Variants in PAK5 observed in about 807,000 individuals in gnomAD.
The protein encoded by PAK5 is p21 (RAC1) activated kinase 5.
PAK5 carries 16 observed loss-of-function variants against 65.9 expected under a neutral mutation model. The ratio of observed to expected loss-of-function variants is 0.24; its 90% CI spans 0.16 to 0.37. The LOEUF is 0.37. PAK5 is among the 10% of genes least tolerant of loss of function. The pLI is 1.00. For synonymous variants in PAK5, 371 were observed against 354.9 expected (o/e 1.05, Z -0.51); for missense variants, 785 against 903.9 (o/e 0.87, Z 1.69).
intron 3 of PAK5, among the ~76,000 whole-genome samples, chr20:9,609,874 C>G (rs1215574439): frequency 6.6e-6 from 1 of 152,172 alleles, no homozygotes; most frequent in African/African-American, 2.4e-5. Context: ...CCAGACAGGA[C>G]AGATGGATAT....
chr20:9,704,344 A>C (rs1189557211), intron 2 of PAK5, among the ~76,000 whole-genome samples: 1 of 152,182 alleles, frequency 6.6e-6, no homozygotes. Flanking sequence ...TCCGCAGGTC[A>C]AAAGTAGCCA....
At position 9,564,128 on chromosome 20, in the gene PAK5, A is replaced by C. The variant is rs535953065; in HGVS notation, c.1483-1104T>G. Among the ~76,000 whole-genome samples the C allele has an allele frequency of 7.7e-4, 117 of 152,322 alleles. 1 individual carries two copies. The highest frequency in any genetic ancestry group is 2.7e-3 in the African/African-American group (114 of 41,564). On this transcript the variant is annotated intron_variant, in intron 5 of 9. Coordinates refer to ENST00000353224, the MANE Select transcript of PAK5 (RefSeq NM_177990.4). The stretch of plus-strand genomic sequence containing the variant: ...TGATACCCTGACTTGATATTTTAGG[A>C]CTTAGATCTCTCATCCACAAAAACT...
At chr20:9,572,745 C>T (rs754173753) in intron 4 of PAK5, among the ~76,000 whole-genome samples, 6 of 152,172 alleles carry the variant, frequency 3.9e-5, no homozygotes, top group Non-Finnish European at 7.3e-5. Context: ...AGCAAGGGCA[C>T]GGAGTGCAGA....
At chr20:9,760,211 C>T (rs1253770452) in intron 1 of PAK5, among the ~76,000 whole-genome samples, 2 of 151,980 alleles carry the variant, frequency 1.3e-5, no homozygotes, top group East Asian at 1.9e-4. Flanking sequence ...AAATTAGAGC[C>T]AAAAACAGAG....
At chr20:9,600,085 G>A (rs1289852020) in intron 3 of PAK5, among the ~76,000 whole-genome samples, 1 of 152,172 alleles carries the variant, frequency 6.6e-6, no homozygotes, top group East Asian at 1.9e-4. Context: ...AGTTCTCCCG[G>A]CGTTATTTGT....
chr20:9,696,416 G>A (rs971486752), intron 2 of PAK5, among the ~76,000 whole-genome samples: 14 of 152,020 alleles, frequency 9.2e-5, no homozygotes, highest in Admixed American at 7.9e-4. Flanking sequence ...TTTATACAGT[G>A]ACATTTACTC....
intron 7 of PAK5, among the ~76,000 whole-genome samples, chr20:9,556,898 T>A (rs1312271942): frequency 1.3e-5 from 2 of 152,158 alleles, no homozygotes; most frequent in Admixed American, 1.3e-4. Context: ...GGAGCACCAG[T>A]AGGACACTAG....
chr20:9,794,539 A>G (rs1385673126), intron 1 of PAK5, among the ~76,000 whole-genome samples: 1 of 152,046 alleles, frequency 6.6e-6, no homozygotes, highest in Non-Finnish European at 1.5e-5. Context: ...TAAGCAGATG[A>G]GTTAGAACAT....
chr20:9,578,071 C>A (rs2045917963), intron 4 of PAK5, among the ~76,000 whole-genome samples: 1 of 152,140 alleles, frequency 6.6e-6, no homozygotes. Context: ...ATTTTCTTGG[C>A]AAATGCAGTT....
intron 1 of PAK5, among the ~76,000 whole-genome samples, chr20:9,721,431 T>C (rs942550653): frequency 8.5e-5 from 13 of 152,114 alleles, no homozygotes; most frequent in African/African-American, 3.1e-4. Flanking sequence ...GCGGATCAGC[T>C]GAGGTCAGGA....
In PAK5 at chr20:9,566,351, G is replaced by T. The variant is rs144853970; in HGVS notation, c.1024C>A (p.Pro342Thr). ...DYDRAQMVLS[P>T]PLSGSDTYPR... ...TAGGTGTCAGACCCTGACAGTGGAG[G>T]GCTGAGGACCATCTGTGCTCGATCG... The change falls in exon 5 of 10, where the codon CCT becomes ACT. Residue 342 changes from proline to threonine, a missense_variant. This residue lies in a region of PAK5 where 422 missense variants were observed against 413.3 expected (regional missense o/e 1.02). Transcript: ENST00000353224. 2 of 1,613,382 alleles carry T rather than the reference G, an allele frequency of 1.2e-6. No individual in the cohort carries two copies. Among genetic ancestry groups the T allele is most frequent in the Non-Finnish European group, 8.5e-7 (1 of 1,179,662 alleles).
At chr20:9,657,704 A>G (rs2047287865) in intron 2 of PAK5, among the ~76,000 whole-genome samples, 1 of 152,200 alleles carries the variant, frequency 6.6e-6, no homozygotes, top group African/African-American at 2.4e-5. Context: ...CTCGTGATAC[A>G]GATATTGGGT....
chr20:9,754,626 C>G (rs1237869942), intron 1 of PAK5, among the ~76,000 whole-genome samples: 1 of 152,138 alleles, frequency 6.6e-6, no homozygotes, highest in East Asian at 1.9e-4. Flanking sequence ...ACCATAATTT[C>G]TAATCTTGTC....
chr20:9,680,240 G>T (rs2047631397), intron 2 of PAK5, among the ~76,000 whole-genome samples: 1 of 152,170 alleles, frequency 6.6e-6, no homozygotes, highest in Admixed American at 6.5e-5. Flanking sequence ...AAAAGGAGAT[G>T]GATCACTGTA....
At chr20:9,597,177 T>C (rs1283343032) in intron 3 of PAK5, among the ~76,000 whole-genome samples, 1 of 152,230 alleles carries the variant, frequency 6.6e-6, no homozygotes, top group Non-Finnish European at 1.5e-5. Flanking sequence ...TTTCCCTTGC[T>C]GGGGCTATGG....
intron 1 of PAK5, among the ~76,000 whole-genome samples, chr20:9,765,682 A>G (rs2048749145): frequency 6.6e-6 from 1 of 151,968 alleles, no homozygotes; most frequent in South Asian, 2.1e-4. Context: ...TCCCTGCCCA[A>G]CCCTCCTGCT....
Position 9,537,973 on chromosome 20 carries a change from A to T in PAK5, c.*1489T>A, listed in dbSNP as rs2045197445. The T allele has an allele frequency of 4.3e-6, 1 of 231,636 alleles. No individual in the cohort carries two copies. The highest frequency in any genetic ancestry group is 8.6e-6 in the Non-Finnish European group (1 of 116,926). The allele number at this position is 231,636 out of a possible 1,614,324, so 14.3% of individuals were successfully genotyped here. On this transcript the variant is annotated 3_prime_UTR_variant, in exon 10 of 10. Coordinates refer to ENST00000353224, the MANE Select transcript of PAK5 (RefSeq NM_177990.4). Reference sequence around the variant, plus strand: ...AGAGCGCTATCACAAATTTAAATTCATATTTGTTACAGTATGTGAAATAGT... The same window carrying T: ...AGAGCGCTATCACAAATTTAAATTCTTATTTGTTACAGTATGTGAAATAGT...
chr20:9,731,893 G>T (rs143382759), intron 1 of PAK5, among the ~76,000 whole-genome samples: 2,963 of 152,138 alleles, frequency 0.019, 41 homozygotes, highest in Non-Finnish European at 0.031. Flanking sequence ...TGCAGCGTGG[G>T]TAATAAAACA....
chr20:9,691,105 A>G (rs1474438671), intron 2 of PAK5, among the ~76,000 whole-genome samples: 1 of 152,174 alleles, frequency 6.6e-6, no homozygotes, highest in Non-Finnish European at 1.5e-5. Flanking sequence ...AGCCAGAGAA[A>G]GCCAAGGGCA....
Sources: allele counts gnomAD v4.1 joint callset (sites outside exome capture counted in the v4.1 genomes callset), GRCh38; gene constraint gnomAD v4.1.1; regional missense constraint gnomAD v4.1.1; transcripts MANE v1.5; gene names NCBI Gene and HGNC (gene_info 2026-07-23, HGNC 2026-07-21).